Variants in DFFB observed in about 807,000 individuals in gnomAD.
DFFB encodes the protein DNA fragmentation factor subunit beta, also known as DNA fragmentation factor 40 kDa subunit.
DFFB carries 29 observed loss-of-function variants against 32.7 expected under a neutral mutation model. The ratio of observed to expected loss-of-function variants is 0.89; its 90% confidence interval spans 0.66 to 1.21. The LOEUF is 1.21. DFFB is among the 50% of genes most tolerant of loss of function. The pLI is 0.00. For missense variants in DFFB, 398 were observed against 440.6 expected, an observed-to-expected ratio of 0.90 and a Z score of 0.87; for synonymous variants, 170 against 177.1, an observed-to-expected ratio of 0.96 and a Z score of 0.32.
intron 2 of DFFB, among the ~76,000 whole-genome samples, chr1:3,862,760 G>A (rs1455800869): frequency 6.6e-6 from 1 of 152,164 alleles, no homozygotes; most frequent in Non-Finnish European, 1.5e-5. Flanking sequence ...ATAGCGATAA[G>A]TCCTCATCGC....
At chr1:3,876,495 A>C (rs1280632305) in intron 6 of DFFB, among the ~76,000 whole-genome samples, 1 of 152,248 alleles carries the variant, frequency 6.6e-6, no homozygotes, top group Non-Finnish European at 1.5e-5. Context: ...AGTTTTCAGC[A>C]CCGGTCTTCG....
At chr1:3,877,314 G>T (rs1047613497) in intron 6 of DFFB, among the ~76,000 whole-genome samples, 5 of 144,672 alleles carry the variant, frequency 3.5e-5, no homozygotes. Context: ...CATGAGTTGT[G>T]TCTTGGGAGT....
intron 6 of DFFB, among the ~76,000 whole-genome samples, chr1:3,876,324 T>C (rs1645221158): frequency 6.6e-6 from 1 of 152,130 alleles, no homozygotes; most frequent in African/African-American, 2.4e-5. Flanking sequence ...CAGAATGAAA[T>C]AGGCCATCCT....
Position 3,869,685 on chromosome 1 carries a change from C to T in DFFB, c.591C>T (p.Leu197=), listed in dbSNP as rs760890143. Residue 197 remains leucine, a synonymous_variant, in exon 5 of 7, where the codon CTC becomes CTT. Transcript: ENST00000378209. ...TCCTCGGCTCCATGTGCCAGAGGCTCCGGTCCATGCAGTACAATGGCAGCT... is the reference window on the plus strand; with the variant it reads ...TCCTCGGCTCCATGTGCCAGAGGCTTCGGTCCATGCAGTACAATGGCAGCT... ...LRVLGSMCQR[L]RSMQYNGSYF... is the part of the protein sequence containing the mutation. 2 of 1,613,526 alleles carry T rather than the reference C, an allele frequency of 1.2e-6. No individual in the cohort carries two copies. Among genetic ancestry groups the T allele is most frequent in the Non-Finnish European group, 1.7e-6 (2 of 1,179,890 alleles).
intron 6 of DFFB, among the ~76,000 whole-genome samples, chr1:3,875,250 C>T (rs557747767): frequency 4.6e-5 from 7 of 152,280 alleles, no homozygotes; most frequent in South Asian, 4.2e-4. Flanking sequence ...GGTCTGGTTC[C>T]GTGCTATTTA....
intron 6 of DFFB, among the ~76,000 whole-genome samples, chr1:3,875,812 T>C (rs1645211013): frequency 6.6e-6 from 1 of 152,236 alleles, no homozygotes; most frequent in South Asian, 2.1e-4. Context: ...AGTCTCACTC[T>C]GTCGCCCAGG....
intron 6 of DFFB, among the ~76,000 whole-genome samples, 184 bp downstream of exon 6, chr1:3,872,756 G>C (rs899692268): frequency 1.3e-5 from 2 of 152,166 alleles, no homozygotes; most frequent in African/African-American, 4.8e-5. Context: ...TGGCAGCATA[G>C]GGGGCTGCTG....
At position 3,872,185 on chromosome 1, in the gene DFFB, C is replaced by T. The variant is rs182469919; in HGVS notation, c.682-287C>T. ...ATCCCAGCACTTTGGGAGGCCAAGG[C>T]GGGCGGATCACGAGGTCAAGAGATC... On this transcript the variant is annotated intron_variant, in intron 5 of 6. Transcript: ENST00000378209. 2.5e-3 allele frequency among the ~76,000 whole-genome samples: 383 copies of T among 152,256 alleles called. 7 individuals are homozygous for T. Among genetic ancestry groups the T allele is most frequent in the Admixed American group, 0.023 (353 of 15,292 alleles).
chr1:3,872,444 C>G, intron 5 of DFFB, 28 bp from the exon 6 acceptor site: 1 of 1,545,708 alleles, frequency 6.5e-7, no homozygotes, highest in South Asian at 1.1e-5. Flanking sequence ...CACTTTCTGG[C>G]CTTCCCTCAT....
At chr1:3,874,818 C>T (rs1315470597) in intron 6 of DFFB, among the ~76,000 whole-genome samples, 1 of 150,854 alleles carries the variant, frequency 6.6e-6, no homozygotes, top group Non-Finnish European at 1.5e-5. Flanking sequence ...CTGTGGTCTG[C>T]AGAGCCGTGT....
At chr1:3,863,176 T>G (rs148981510) in intron 2 of DFFB, among the ~76,000 whole-genome samples, 1 of 152,300 alleles carries the variant, frequency 6.6e-6, no homozygotes, top group African/African-American at 2.4e-5. Context: ...TAAAGAATCC[T>G]TATAACTTAA....
At chr1:3,866,102 C>G (rs911376719) in intron 3 of DFFB, 102 bp downstream of exon 3, 3 of 1,001,190 alleles carry the variant, frequency 3.0e-6, no homozygotes, top group Middle Eastern at 5.6e-4. Context: ...CTGGCCTGTA[C>G]CCTCGTGGGT....
intron 6 of DFFB, among the ~76,000 whole-genome samples, chr1:3,876,907 C>T (rs1012416937): frequency 4.6e-5 from 7 of 152,222 alleles, no homozygotes; most frequent in Admixed American, 6.5e-5. Flanking sequence ...AGAGCCCATG[C>T]GGTTCAGGGG....
intron 6 of DFFB, among the ~76,000 whole-genome samples, chr1:3,876,945 C>T (rs1029411515): frequency 6.6e-6 from 1 of 152,232 alleles, no homozygotes; most frequent in East Asian, 1.9e-4. Context: ...GCACGAGGAG[C>T]GTCCGTGTGG....
At chr1:3,864,555 TCTCA>T (rs1644938810) in intron 2 of DFFB, among the ~76,000 whole-genome samples, 1 of 152,024 alleles carries the variant, frequency 6.6e-6, no homozygotes, top group Admixed American at 6.6e-5. Context: ...AGAGACAGGG[TCTCA>T]CTCTGTTGCC....
intron 3 of DFFB, among the ~76,000 whole-genome samples, chr1:3,866,811 G>T (rs888831720): frequency 1.3e-5 from 2 of 152,188 alleles, no homozygotes; most frequent in Admixed American, 1.3e-4. Flanking sequence ...TATGAATGCA[G>T]TCACATAGTA....
At chr1:3,874,326 C>T (rs1465819703) in intron 6 of DFFB, among the ~76,000 whole-genome samples, 7 of 83,662 alleles carry the variant, frequency 8.4e-5, no homozygotes, top group Non-Finnish European at 1.2e-4. Context: ...CATGCACATA[C>T]GTGGTGGCCC....
chr1:3,864,254 CG>C (rs1644932434), intron 2 of DFFB, among the ~76,000 whole-genome samples: 1 of 152,088 alleles, frequency 6.6e-6, no homozygotes. Context: ...CGTGAGCCAC[CG>C]CGCCCGGCCT....
chr1:3,865,855 A>C lies in DFFB; in HGVS notation c.285A>C (p.Pro95=). Residue 95 remains proline, a synonymous_variant, in exon 3 of 7, where the codon CCA becomes CCC. Transcript: ENST00000378209. The surrounding 1 kb of genome is among the most constrained non-coding windows in gnomAD (Gnocchi z 4.7). ...IRRFLSAFHE[P]QVGLIQAAQQ... ...GCTTCCTCAGTGCATTTCACGAGCCACAGGTGGGGCTCATCCAGGCCGCCC... is the reference window on the plus strand; with the variant it reads ...GCTTCCTCAGTGCATTTCACGAGCCCCAGGTGGGGCTCATCCAGGCCGCCC... The C allele has an allele frequency of 6.2e-7, 1 of 1,614,144 alleles. No homozygotes were observed. The highest frequency in any genetic ancestry group is 8.5e-7 in the Non-Finnish European group (1 of 1,180,022).
Sources: gnomAD v4.1 joint callset for allele counts (sites outside exome capture counted in the v4.1 genomes callset) on GRCh38, gnomAD v4.1.1 for gene constraint, Gnocchi (gnomAD v3.1) non-coding constraint, MANE v1.5 for transcripts, NCBI Gene and HGNC (gene_info 2026-07-23, HGNC 2026-07-21) for gene names.